Variants in CYP2F1 observed in about 807,000 individuals in gnomAD.
CYP2F1 encodes cytochrome P450 family 2 subfamily F member 1.
In CYP2F1, 33 loss-of-function variants were observed where a neutral mutation model predicts 40.4. The ratio of observed to expected loss-of-function variants is 0.82; its 90% CI spans 0.62 to 1.09. CYP2F1 has a LOEUF of 1.09. Among genes scored for constraint, CYP2F1 ranks in the 50% least tolerant of loss-of-function variants. The pLI is 0.00. For synonymous variants in CYP2F1, 235 were observed against 277.2 expected, an observed-to-expected ratio of 0.85 and a Z score of 1.51; for missense variants, 566 against 655.7, an observed-to-expected ratio of 0.86 and a Z score of 1.49.
Position 41,128,262 on chromosome 19 carries a change from A to T in CYP2F1, c.*180A>T. 1 of 581,518 alleles carries T rather than the reference A, an allele frequency of 1.7e-6. No homozygotes were observed. The highest frequency in any genetic ancestry group is 2.9e-6 in the Non-Finnish European group (1 of 340,528). 36.0% of individuals were successfully genotyped at this position (581,518 alleles called of 1,614,324 possible). ...CCAATCTGTGCCCCGTCTGCAGGGCAGAGGCAGATGTGGCATGTCTTTTTG... is the reference window on the plus strand; with the variant it reads ...CCAATCTGTGCCCCGTCTGCAGGGCTGAGGCAGATGTGGCATGTCTTTTTG... On this transcript the variant is annotated 3_prime_UTR_variant, in exon 10 of 10. Coordinates refer to ENST00000331105, the MANE Select transcript of CYP2F1 (RefSeq NM_000774.5).
chr19:41,118,472 T>C (rs909074361), intron 3 of CYP2F1, among the ~76,000 whole-genome samples: 6 of 122,400 alleles, frequency 4.9e-5, no homozygotes, highest in Admixed American at 3.8e-4. Context: ...AGAGCTCTGG[T>C]ACAATATTAC....
At chr19:41,114,622 T>G (rs964573985) in intron 1 of CYP2F1, 130 bp downstream of exon 1, 7 of 152,348 alleles carry the variant, frequency 4.6e-5, no homozygotes, top group African/African-American at 1.7e-4. Context: ...AGAGCTCTCA[T>G]GTCCCTGTTC....
intron 3 of CYP2F1, among the ~76,000 whole-genome samples, chr19:41,116,832 T>G (rs1039333788): frequency 3.9e-5 from 6 of 152,044 alleles, no homozygotes; most frequent in Middle Eastern, 3.2e-3. Flanking sequence ...ATTGTACTCT[T>G]GCACCACTCC....
chr19:41,116,974 C>G (rs771210784), intron 3 of CYP2F1, among the ~76,000 whole-genome samples: 4 of 151,952 alleles, frequency 2.6e-5, no homozygotes, highest in South Asian at 4.2e-4. Flanking sequence ...CAGTCCCCAT[C>G]AACCTTTCCC....
At chr19:41,120,232 C>A (rs1044331691) in intron 3 of CYP2F1, 115 bp from the exon 4 acceptor site, 3 of 1,053,512 alleles carry the variant, frequency 2.8e-6, no homozygotes, top group African/African-American at 1.6e-5. Flanking sequence ...CTGGAAGGAG[C>A]CAGGGAGATT....
chr19:41,123,241 A>G, intron 7 of CYP2F1: 1 of 533,568 alleles, frequency 1.9e-6, no homozygotes. Context: ...TCTGTCACCC[A>G]GGCTGGAGTG....
chr19:41,128,127 C>T lies in CYP2F1; in HGVS notation c.*45C>T. On this transcript the variant is annotated 3_prime_UTR_variant, in exon 10 of 10. Coordinates refer to ENST00000331105, the MANE Select transcript of CYP2F1 (RefSeq NM_000774.5). ...TCGCCTGTGAGCGATGAGGCCCGCC[C>T]ATGCGGGTTGCTACGTCCCCTTCTT... The T allele has an allele frequency of 6.4e-7, 1 of 1,558,816 alleles. No homozygotes were observed. Among genetic ancestry groups the T allele is most frequent in the Non-Finnish European group, 8.7e-7 (1 of 1,150,144 alleles).
At chr19:41,118,680 T>C (rs953018108) in intron 3 of CYP2F1, among the ~76,000 whole-genome samples, 1 of 152,130 alleles carries the variant, frequency 6.6e-6, no homozygotes, top group Non-Finnish European at 1.5e-5. Context: ...AGCCACCATC[T>C]AGTTATTCAA....
chr19:41,116,480 A>G lies in CYP2F1; in HGVS notation c.197A>G (p.Tyr66Cys), dbSNP rs2031814299. ...CTGAGCAAGGAGTATGGCTCCATGT[A>G]CACAGTGCACCTGGGACCCAGGCGG... Reference protein sequence around the residue: ...TKLSKEYGSMYTVHLGPRRVV... With the variant: ...TKLSKEYGSMCTVHLGPRRVV... The change falls in exon 3 of 10, where the codon TAC becomes TGC. Residue 66 changes from tyrosine (Y) to cysteine (C), a missense_variant. Physicochemically the swap from Tyr to Cys is radical, Grantham distance 194. This residue lies in a region of CYP2F1 where 264 missense variants were observed against 275.7 expected (regional missense o/e 0.96). Coordinates refer to ENST00000331105, the MANE Select transcript of CYP2F1 (RefSeq NM_000774.5). 6.2e-7 allele frequency: 1 copy of G among 1,613,458 alleles called. No individual in the cohort carries two copies. Among genetic ancestry groups the G allele is most frequent in the Non-Finnish European group, 8.5e-7 (1 of 1,179,790 alleles).
At position 41,116,547 on chromosome 19, in the gene CYP2F1, G is replaced by A. The variant is rs1039303112; in HGVS notation, c.264G>A (p.Leu88=). The part of the protein sequence containing the change: ...LSGYQAVKEA[L]VDQGEEFSGR... Reference sequence around the variant, plus strand: ...GGTACCAAGCTGTGAAGGAGGCCCTGGTGGACCAGGGAGAGGAGTTTAGTG... The same window carrying A: ...GGTACCAAGCTGTGAAGGAGGCCCTAGTGGACCAGGGAGAGGAGTTTAGTG... The change falls in exon 3 of 10, where the codon CTG becomes CTA. Residue 88 remains leucine, a synonymous_variant. Coordinates refer to ENST00000331105, the MANE Select transcript of CYP2F1 (RefSeq NM_000774.5). The A allele has an allele frequency of 8.7e-6, 14 of 1,613,878 alleles. No individual in the cohort carries two copies. In the South Asian group the frequency reaches 1.3e-4, roughly 15 times the overall value.
chr19:41,125,650 A>G lies in CYP2F1; in HGVS notation c.1294+16A>G. 1 of 1,613,802 alleles carries G rather than the reference A, an allele frequency of 6.2e-7. No individual in the cohort carries two copies. Among genetic ancestry groups the G allele is most frequent in the Non-Finnish European group, 8.5e-7 (1 of 1,179,848 alleles). ...TTCTCAGCTGGTGAGGGCAGGAATCAGAGTCTTTCTGGCCCAATTTCTACC... is the reference window on the plus strand; with the variant it reads ...TTCTCAGCTGGTGAGGGCAGGAATCGGAGTCTTTCTGGCCCAATTTCTACC... On this transcript the variant is annotated intron_variant, in intron 9 of 9. Coordinates refer to ENST00000331105, the MANE Select transcript of CYP2F1 (RefSeq NM_000774.5).
chr19:41,125,233 C>T (rs1009376579), intron 8 of CYP2F1: 15 of 625,890 alleles, frequency 2.4e-5, no homozygotes, highest in Non-Finnish European at 3.5e-5. Flanking sequence ...CTCCTTTTCC[C>T]CAGAAACCCC....
intron 3 of CYP2F1, among the ~76,000 whole-genome samples, chr19:41,118,384 T>G (rs2144748539): frequency 6.6e-6 from 1 of 152,300 alleles, no homozygotes. Flanking sequence ...TATTCTCTCC[T>G]CACCTCCAAA....
At chr19:41,116,398 G>A (rs759127483) in intron 2 of CYP2F1, 39 bp downstream of exon 2, 3 of 1,610,028 alleles carry the variant, frequency 1.9e-6, no homozygotes, top group Non-Finnish European at 2.5e-6. Flanking sequence ...GGAAGGATAA[G>A]GAGGAGGGGT....
intron 7 of CYP2F1, 52 bp downstream of exon 7, chr19:41,123,015 C>G: frequency 6.3e-7 from 1 of 1,574,822 alleles, no homozygotes; most frequent in East Asian, 2.3e-5. Flanking sequence ...TCCAGCCTCA[C>G]CCCAGAGCAG....
intron 5 of CYP2F1, 24 bp from the exon 6 acceptor site, chr19:41,121,933 C>T: frequency 1.9e-6 from 3 of 1,607,930 alleles, no homozygotes; most frequent in Non-Finnish European, 2.6e-6. Flanking sequence ...CCTCCAAAAC[C>T]CTCCTACTCT....
chr19:41,119,721 CTCTATATA>C (rs1355149659), intron 3 of CYP2F1, among the ~76,000 whole-genome samples: 3 of 37,130 alleles, frequency 8.1e-5, no homozygotes, highest in South Asian at 1.4e-3. Flanking sequence ...CTCTCTCTCT[CTCTATATA>C]TATATATATA....
At chr19:41,123,173 AC>A (rs1355918580) in intron 7 of CYP2F1, 6 of 689,556 alleles carry the variant, frequency 8.7e-6, no homozygotes, top group African/African-American at 7.0e-5. Flanking sequence ...CCCAGATCCC[AC>A]CCGCTTAATT....
chr19:41,115,113 G>A (rs2031716223), intron 1 of CYP2F1, among the ~76,000 whole-genome samples: 1 of 151,398 alleles, frequency 6.6e-6, no homozygotes. Flanking sequence ...CCGTCTCTTT[G>A]TGTGGCTCTA....
Sources: allele counts gnomAD v4.1 joint callset (sites outside exome capture counted in the v4.1 genomes callset), GRCh38; gene constraint gnomAD v4.1.1; regional missense constraint gnomAD v4.1.1; transcripts MANE v1.5; gene names NCBI Gene and HGNC (gene_info 2026-07-23, HGNC 2026-07-21).